The following QTGAL variants were observed in gnomAD, a reference collection of about 807,000 sequenced individuals.
QTGAL encodes BGnT-like protein 1.
At chr17:83,003,588 T>C in the QTGAL span, among the ~76,000 whole-genome samples, 52 of 10,676 alleles carry the variant, frequency 4.9e-3, no homozygotes, top group Admixed American at 6.2e-3. Flanking sequence ...GCCCTCCCAC[T>C]CTCTGCAGTC....
At chr17:82,973,611 C>T in the QTGAL span, among the ~76,000 whole-genome samples, 1 of 152,052 alleles carries the variant, frequency 6.6e-6, no homozygotes, top group East Asian at 1.9e-4. Context: ...GTGGACTCAG[C>T]CTCTTCCTGC....
chr17:82,970,670 A>G, the QTGAL span, among the ~76,000 whole-genome samples: 6,296 of 96,488 alleles, frequency 0.065, 1,208 homozygotes, highest in Middle Eastern at 0.22. Context: ...CTCCGCACCC[A>G]GCGTGGCCGT....
the QTGAL span, among the ~76,000 whole-genome samples, chr17:82,984,895 C>G: frequency 6.6e-6 from 1 of 152,158 alleles, no homozygotes; most frequent in Non-Finnish European, 1.5e-5. Context: ...TCAGCCCTGT[C>G]CACTTCCTTC....
At chr17:83,035,076 C>G in the QTGAL span, 6 of 1,612,690 alleles carry the variant, frequency 3.7e-6, no homozygotes, top group Non-Finnish European at 5.1e-6. Context: ...CTCTGGGCAA[C>G]TGCTTGATTT....
chr17:83,003,076 CGCAG>C, the QTGAL span, among the ~76,000 whole-genome samples: 12 of 16,830 alleles, frequency 7.1e-4, 1 homozygote, highest in South Asian at 2.2e-3. Flanking sequence ...TCCCACTCTC[CGCAG>C]TCCGCGTGTG....
the QTGAL span, chr17:82,979,217 A>C: frequency 3.3e-5 from 5 of 152,342 alleles, no homozygotes; most frequent in East Asian, 9.6e-4. Flanking sequence ...ATAGATAATA[A>C]ACCAAGACTG....
the QTGAL span, among the ~76,000 whole-genome samples, chr17:83,017,400 A>C: frequency 3.3e-5 from 5 of 152,138 alleles, no homozygotes; most frequent in South Asian, 2.1e-4. Flanking sequence ...AGGCAGGCGG[A>C]TAACTTGAGG....
At chr17:83,036,379 G>T in the QTGAL span, among the ~76,000 whole-genome samples, 1 of 152,208 alleles carries the variant, frequency 6.6e-6, no homozygotes, top group African/African-American at 2.4e-5. Context: ...GACCAGAGGG[G>T]CCTGAGGGGG....
the QTGAL span, among the ~76,000 whole-genome samples, chr17:82,984,217 G>A: frequency 2.8e-4 from 28 of 99,342 alleles, no homozygotes; most frequent in South Asian, 6.2e-4. Context: ...ACATGAGGAC[G>A]TGGGGGAGGG....
the QTGAL span, among the ~76,000 whole-genome samples, chr17:82,992,564 A>G: frequency 2.6e-5 from 4 of 152,330 alleles, no homozygotes; most frequent in African/African-American, 4.8e-5. Context: ...AAGAAATGCT[A>G]AAGAGAGTAC....
At chr17:83,033,181 T>C in the QTGAL span, among the ~76,000 whole-genome samples, 1 of 152,228 alleles carries the variant, frequency 6.6e-6, no homozygotes, top group Non-Finnish European at 1.5e-5. Context: ...TACAAGCGAC[T>C]ACCTGTTATT....
chr17:82,947,960 C>T, the QTGAL span: 3 of 152,244 alleles, frequency 2.0e-5, no homozygotes, highest in Non-Finnish European at 2.9e-5. Flanking sequence ...TTAAACAAGA[C>T]TCTGTTAAAA....
At chr17:83,042,844 G>A in the QTGAL span, among the ~76,000 whole-genome samples, 2 of 152,228 alleles carry the variant, frequency 1.3e-5, no homozygotes, top group Admixed American at 6.5e-5. Context: ...GGCTGAAAGT[G>A]GAACAAGGGA....
the QTGAL span, among the ~76,000 whole-genome samples, chr17:82,966,795 A>G: frequency 6.6e-6 from 1 of 152,242 alleles, no homozygotes; most frequent in Non-Finnish European, 1.5e-5. Flanking sequence ...AAGAAGAGGC[A>G]CAAATCACAG....
At chr17:82,988,425 A>C in the QTGAL span, among the ~76,000 whole-genome samples, 1 of 152,236 alleles carries the variant, frequency 6.6e-6, no homozygotes, top group Non-Finnish European at 1.5e-5. Flanking sequence ...TCTAGGCAAT[A>C]CCATTCGGGA....
chr17:82,970,589 TCCGCACCC>T, the QTGAL span, among the ~76,000 whole-genome samples: 1 of 131,742 alleles, frequency 7.6e-6, no homozygotes, highest in Non-Finnish European at 1.6e-5. Flanking sequence ...GGCCGCGACC[TCCGCACCC>T]GGCGTGGCCG....
the QTGAL span, among the ~76,000 whole-genome samples, chr17:83,040,789 G>A: frequency 6.6e-6 from 1 of 152,082 alleles, no homozygotes; most frequent in Non-Finnish European, 1.5e-5. Context: ...GCTGAGGCTG[G>A]GCACAGTGGC....
the QTGAL span, among the ~76,000 whole-genome samples, chr17:82,977,300 C>A: frequency 6.6e-6 from 1 of 152,250 alleles, no homozygotes; most frequent in Middle Eastern, 3.4e-3. Context: ...TGTTTGCATC[C>A]GTGACTTTAA....
chr17:83,047,284 A>C, the QTGAL span, among the ~76,000 whole-genome samples: 1 of 152,176 alleles, frequency 6.6e-6, no homozygotes, highest in African/African-American at 2.4e-5. Flanking sequence ...CTCATTGGTG[A>C]GGCCCCACCC....
Sources: allele counts gnomAD v4.1 joint callset (sites outside exome capture counted in the v4.1 genomes callset), GRCh38; gene constraint gnomAD v4.1.1; transcripts MANE v1.5; gene names NCBI Gene and HGNC (gene_info 2026-07-23, HGNC 2026-07-21).